Variants in PTPRD observed in about 807,000 individuals in gnomAD.
PTPRD encodes receptor-type tyrosine-protein phosphatase delta.
Under a neutral mutation model 214.5 loss-of-function variants are expected in PTPRD, and 34 were observed. That is an observed-to-expected ratio of 0.16 (90% CI 0.12 to 0.21). The LOEUF is 0.21. Among genes scored for constraint, PTPRD ranks in the 10% least tolerant of loss-of-function variants. PTPRD has a pLI of 1.00. For missense variants in PTPRD, 2,545 were observed against 2,398.7 expected (o/e 1.06, Z -1.27); for synonymous variants, 1,128 against 845.7 (o/e 1.33, Z -5.79).
chr9:9,006,699 T>A (rs1188612160), intron 11 of PTPRD, among the ~76,000 whole-genome samples: 1 of 152,052 alleles, frequency 6.6e-6, no homozygotes, highest in African/African-American at 2.4e-5. Flanking sequence ...TCAGTTTCCC[T>A]GATATTTTAA....
At chr9:8,760,819 T>G (rs1176658739) in intron 11 of PTPRD, among the ~76,000 whole-genome samples, 1 of 152,186 alleles carries the variant, frequency 6.6e-6, no homozygotes, top group Non-Finnish European at 1.5e-5. Context: ...TTTTATCTCG[T>G]ACAAGTAAAG....
chr9:9,495,123 T>A (rs2096112187), intron 8 of PTPRD, among the ~76,000 whole-genome samples: 9 of 152,064 alleles, frequency 5.9e-5, no homozygotes, highest in Admixed American at 5.9e-4. Flanking sequence ...TGCGAAACAA[T>A]GAACTTAGAC....
At chr9:8,655,775 C>T (rs1475702057) in intron 12 of PTPRD, among the ~76,000 whole-genome samples, 1 of 151,284 alleles carries the variant, frequency 6.6e-6, no homozygotes. Context: ...TCTCCTTCAC[C>T]CTTTTCTTTT....
chr9:10,008,640 T>A (rs1345092365), intron 4 of PTPRD, among the ~76,000 whole-genome samples: 1 of 151,982 alleles, frequency 6.6e-6, no homozygotes, highest in African/African-American at 2.4e-5. Context: ...GTCTCATCCT[T>A]CCTTATTTCA....
At chr9:9,573,768 A>T (rs2087391299) in intron 8 of PTPRD, among the ~76,000 whole-genome samples, 3 of 151,826 alleles carry the variant, frequency 2.0e-5, no homozygotes, top group Non-Finnish European at 4.4e-5. Context: ...CTCCTATATG[A>T]CACTTGTTTT....
At chr9:9,956,256 C>G (rs1416170664) in intron 4 of PTPRD, among the ~76,000 whole-genome samples, 1 of 149,454 alleles carries the variant, frequency 6.7e-6, no homozygotes, top group Admixed American at 6.7e-5. Context: ...TGAGGTTTAC[C>G]TCAGCCCTGA....
intron 14 of PTPRD, among the ~76,000 whole-genome samples, chr9:8,559,454 T>G (rs1391819837): frequency 6.6e-6 from 1 of 152,226 alleles, no homozygotes; most frequent in Non-Finnish European, 1.5e-5. Context: ...CACTATCACT[T>G]TGAAACCTGC....
At chr9:8,925,468 T>G (rs2098871353) in intron 11 of PTPRD, among the ~76,000 whole-genome samples, 1 of 151,882 alleles carries the variant, frequency 6.6e-6, no homozygotes, top group Non-Finnish European at 1.5e-5. Flanking sequence ...GTGTTTGTTC[T>G]GACAGGAAAA....
intron 3 of PTPRD, among the ~76,000 whole-genome samples, chr9:10,251,013 T>A (rs938413317): frequency 3.3e-5 from 5 of 152,120 alleles, no homozygotes; most frequent in African/African-American, 9.6e-5. Flanking sequence ...TATGTTATCA[T>A]TTGTAATACC....
chr9:8,524,857 AC>A lies in PTPRD; in HGVS notation c.679+67del. On this transcript the variant is annotated intron_variant, in intron 18 of 45. Coordinates refer to ENST00000381196, the MANE Select transcript of PTPRD (RefSeq NM_002839.4). ...GTTAACTACTAATATAACAACACGG[AC>A]CCTGCGGCGTCTCAACTCCCCCTGA... is the stretch of plus-strand genomic sequence containing the variant. The A allele has an allele frequency of 3.2e-6, 4 of 1,265,376 alleles. No individual in the cohort carries two copies. In the South Asian group the frequency reaches 3.6e-5, roughly 11 times the overall value. The allele number at this position is 1,265,376 out of a possible 1,614,324, so 78.4% of individuals were successfully genotyped here. A position where few individuals can be genotyped will look rare whatever the true frequency, so the allele number is the denominator to read the frequency against.
intron 14 of PTPRD, among the ~76,000 whole-genome samples, chr9:8,570,939 G>A (rs1461970991): frequency 2.0e-5 from 3 of 151,840 alleles, no homozygotes; most frequent in African/African-American, 7.3e-5. Flanking sequence ...AGACCAGGCA[G>A]GCAGTACAAA....
chr9:8,939,369 T>A (rs538316702), intron 11 of PTPRD, among the ~76,000 whole-genome samples: 1 of 152,056 alleles, frequency 6.6e-6, no homozygotes, highest in Admixed American at 6.6e-5. Context: ...GGGGAATAAG[T>A]ACATAAAACA....
At chr9:8,713,223 T>C in intron 12 of PTPRD, 4 of 589,418 alleles carry the variant, frequency 6.8e-6, no homozygotes, top group South Asian at 6.3e-5. Flanking sequence ...TGGTATCCAG[T>C]TCGCTCCTAA....
intron 9 of PTPRD, among the ~76,000 whole-genome samples, chr9:9,296,969 T>C (rs1165190763): frequency 6.6e-6 from 1 of 151,778 alleles, no homozygotes. Flanking sequence ...GGGCAGTCTA[T>C]AAAACTTCTT....
At position 9,164,355 on chromosome 9, in the gene PTPRD, T is replaced by C. The variant is rs146229047; in HGVS notation, c.-143+18949A>G. On this transcript the variant is annotated intron_variant, in intron 10 of 45. Transcript: ENST00000381196. ...TCTATTTTCACATTGCCTTCCCACA[T>C]TGATTTTCTGCCTCTCTCGTTCTCT... Among the ~76,000 whole-genome samples the C allele has an allele frequency of 3.9e-4, 60 of 152,322 alleles. No individual in the cohort carries two copies. The East Asian group carries it at 9.7e-3, about 25-fold the overall frequency.
intron 3 of PTPRD, among the ~76,000 whole-genome samples, chr9:10,126,507 T>C (rs918225730): frequency 3.3e-5 from 5 of 151,924 alleles, no homozygotes; most frequent in African/African-American, 1.2e-4. Context: ...CCTAAAACTT[T>C]AGAATCAATT....
chr9:8,470,414 T>G (rs1219729113), intron 31 of PTPRD, among the ~76,000 whole-genome samples: 1 of 152,174 alleles, frequency 6.6e-6, no homozygotes, highest in African/African-American at 2.4e-5. Flanking sequence ...TTAGTATTTG[T>G]TGTTTCTTAT....
At chr9:10,490,841 G>A (rs2039964650) in intron 2 of PTPRD, among the ~76,000 whole-genome samples, 1 of 152,062 alleles carries the variant, frequency 6.6e-6, no homozygotes, top group Non-Finnish European at 1.5e-5. Flanking sequence ...AGCATATTTT[G>A]CTTTTTGCTT....
At chr9:9,934,506 C>G (rs2088308400) in intron 5 of PTPRD, among the ~76,000 whole-genome samples, 1 of 149,834 alleles carries the variant, frequency 6.7e-6, no homozygotes, top group Admixed American at 6.7e-5. Context: ...GACACATACA[C>G]TCTCCCAAGA....
Sources: gnomAD v4.1 joint callset for allele counts (sites outside exome capture counted in the v4.1 genomes callset) on GRCh38, gnomAD v4.1.1 for gene constraint, MANE v1.5 for transcripts, NCBI Gene and HGNC (gene_info 2026-07-23, HGNC 2026-07-21) for gene names.